SMARCAD1: variants seen among roughly 807,000 people sequenced by gnomAD.
The protein encoded by SMARCAD1 is SWI/SNF-related matrix-associated actin-dependent regulator of chromatin subfamily A containing DEAD/H box 1.
In SMARCAD1, 25 loss-of-function variants were observed where a neutral mutation model predicts 127.1. The ratio of observed to expected loss-of-function variants is 0.20; its 90% CI spans 0.14 to 0.27. SMARCAD1 has a LOEUF of 0.27. Among genes scored for constraint, SMARCAD1 ranks in the 10% least tolerant of loss-of-function variants. The pLI is 1.00. For synonymous variants in SMARCAD1, 400 were observed against 396.9 expected, an observed-to-expected ratio of 1.01 and a Z score of -0.09; for missense variants, 807 against 1,206.0, an observed-to-expected ratio of 0.67 and a Z score of 4.90.
At position 94,252,725 on chromosome 4, in the gene SMARCAD1, A is replaced by C. The variant is rs751874295; in HGVS notation, c.999A>C (p.Ser333=). ...AAACAAAACTAAAACAGAAATTTTCAATGAAAGCACAAAATGGCTTTAACA... is the reference window on the plus strand; with the variant it reads ...AAACAAAACTAAAACAGAAATTTTCCATGAAAGCACAAAATGGCTTTAACA... The part of the protein sequence containing the change: ...ATKTKLKQKF[S]MKAQNGFNKK... The change falls in exon 9 of 24, where the codon TCA becomes TCC. Residue 333 remains serine (S), a synonymous_variant. Transcript: ENST00000354268. 1 of 1,595,906 alleles carries C rather than the reference A, an allele frequency of 6.3e-7. No individual in the cohort carries two copies.
intron 3 of SMARCAD1, among the ~76,000 whole-genome samples, chr4:94,232,809 A>G (rs552681080): frequency 7.0e-6 from 1 of 143,148 alleles, no homozygotes; most frequent in African/African-American, 2.5e-5. Flanking sequence ...ACATGGCAAA[A>G]CCCTGTCTGT....
intron 2 of SMARCAD1, among the ~76,000 whole-genome samples, chr4:94,215,372 G>A (rs1743006596): frequency 6.6e-6 from 1 of 152,126 alleles, no homozygotes; most frequent in East Asian, 1.9e-4. Flanking sequence ...TAGAGTCGCA[G>A]CACTTTGGGA....
At chr4:94,282,083 T>C (rs1451792443) in intron 21 of SMARCAD1, among the ~76,000 whole-genome samples, 7 of 129,000 alleles carry the variant, frequency 5.4e-5, no homozygotes, top group Admixed American at 9.0e-5. Flanking sequence ...CTGAATTACA[T>C]GCAAATACGT....
At position 94,277,133 on chromosome 4, in the gene SMARCAD1, A is replaced by G; in HGVS notation, c.2056A>G (p.Ile686Val). 1.2e-6 allele frequency: 2 copies of G among 1,614,104 alleles called. No homozygotes were observed. The highest frequency in any genetic ancestry group is 1.7e-6 in the Non-Finnish European group (2 of 1,179,968). Residue 686 changes from isoleucine to valine, a missense_variant, in exon 16 of 24, where the codon ATA becomes GTA. Ile to Val is a conservative substitution (Grantham distance 29). Transcript: ENST00000354268. Reference sequence around the variant, plus strand: ...CATGTTTAGTAGTAGCACCAGTGAAATACGAAGAATGTTTTCCTCTAAGAC... The same window carrying G: ...CATGTTTAGTAGTAGCACCAGTGAAGTACGAAGAATGTTTTCCTCTAAGAC... Reference protein sequence around the residue: ...PHMFSSSTSEIRRMFSSKTKS... With the variant: ...PHMFSSSTSEVRRMFSSKTKS...
intron 21 of SMARCAD1, 108 bp from the exon 22 acceptor site, chr4:94,283,013 T>G: frequency 1.1e-6 from 1 of 880,116 alleles, no homozygotes; most frequent in Non-Finnish European, 1.8e-6. Flanking sequence ...TACTAAGAGA[T>G]GTACATACAT....
chr4:94,241,435 A>G (rs1453552929), intron 6 of SMARCAD1, among the ~76,000 whole-genome samples: 1 of 152,158 alleles, frequency 6.6e-6, no homozygotes, highest in Non-Finnish European at 1.5e-5. Context: ...TAAGGACAAC[A>G]GTCAGATTAG....
At chr4:94,264,983 C>A in intron 10 of SMARCAD1, 77 bp downstream of exon 10, 4 of 1,421,598 alleles carry the variant, frequency 2.8e-6, no homozygotes, top group Non-Finnish European at 3.9e-6. Context: ...TGTATCGTGC[C>A]TAGAAAGTGA....
In SMARCAD1 at chr4:94,253,322, A is replaced by C. The variant is rs1431364877; in HGVS notation, c.1281+315A>C. 4.5e-6 allele frequency: 6 copies of C among 1,341,622 alleles called. No individual in the cohort carries two copies. In the East Asian group the frequency reaches 2.7e-4, roughly 61 times the overall value. The allele number at this position is 1,341,622 out of a possible 1,614,324, so 83.1% of individuals were successfully genotyped here. On this transcript the variant is annotated intron_variant, in intron 9 of 23. Coordinates refer to ENST00000354268, the MANE Select transcript of SMARCAD1 (RefSeq NM_020159.5). ...AAATTAGAGCTTACATTTAGGAAGG[A>C]GTTGTTTGCTAGCCTGTTCTGATCT... is the stretch of plus-strand genomic sequence containing the variant.
intron 23 of SMARCAD1, 48 bp downstream of exon 23, chr4:94,285,117 G>C: frequency 8.3e-7 from 1 of 1,206,018 alleles, no homozygotes; most frequent in Non-Finnish European, 1.2e-6. Context: ...ATATGACCAT[G>C]CATCTAATTA....
intron 9 of SMARCAD1, among the ~76,000 whole-genome samples, chr4:94,260,031 T>C (rs928239552): frequency 6.6e-6 from 1 of 152,012 alleles, no homozygotes; most frequent in African/African-American, 2.4e-5. Flanking sequence ...TCCTCATCCC[T>C]CTCTCTCTCC....
At chr4:94,252,004 A>G (rs1358716282) in intron 8 of SMARCAD1, among the ~76,000 whole-genome samples, 4 of 152,098 alleles carry the variant, frequency 2.6e-5, no homozygotes, top group Admixed American at 1.3e-4. Context: ...GGCATGCACC[A>G]CCATGCCTGG....
intron 9 of SMARCAD1, among the ~76,000 whole-genome samples, chr4:94,254,760 A>G (rs1749800150): frequency 6.6e-6 from 1 of 152,164 alleles, no homozygotes; most frequent in Non-Finnish European, 1.5e-5. Flanking sequence ...CAGTGAAGAC[A>G]GCAAAGTAGG....
intron 23 of SMARCAD1, among the ~76,000 whole-genome samples, chr4:94,288,446 A>G (rs1386529130): frequency 2.6e-5 from 4 of 152,088 alleles, no homozygotes; most frequent in Non-Finnish European, 4.4e-5. Flanking sequence ...TGAAGTGTCA[A>G]TTTGGATTTT....
chr4:94,287,923 G>A (rs765420909), intron 23 of SMARCAD1, among the ~76,000 whole-genome samples: 3 of 151,964 alleles, frequency 2.0e-5, no homozygotes, highest in Non-Finnish European at 4.4e-5. Flanking sequence ...GAGACAGGCG[G>A]GAGGATCGTT....
chr4:94,240,310 T>TATGC (rs1404422155), intron 5 of SMARCAD1, among the ~76,000 whole-genome samples: 1 of 152,236 alleles, frequency 6.6e-6, no homozygotes, highest in Non-Finnish European at 1.5e-5. Context: ...GTCACGACAA[T>TATGC]ATGCAGATTT....
chr4:94,274,958 G>A lies in SMARCAD1; in HGVS notation c.1801G>A (p.Val601Met). 2 of 1,597,358 alleles carry A rather than the reference G, an allele frequency of 1.3e-6. No homozygotes were observed. Among genetic ancestry groups the A allele is most frequent in the Non-Finnish European group, 1.7e-6 (2 of 1,166,380 alleles). ...TAGATATGAAGATTACAATGTAATT[G>A]TGACCACGTAAGTATTGAGAAATTT... ...HSRYEDYNVI[V>M]TTYNCAISSS... Residue 601 changes from valine (V) to methionine (M), a missense_variant, in exon 14 of 24, where the codon GTG becomes ATG. Physicochemically the swap from Val to Met is conservative, Grantham distance 21 (BLOSUM62 1). Transcript: ENST00000354268.
At chr4:94,237,436 A>G (rs996036097) in intron 5 of SMARCAD1, among the ~76,000 whole-genome samples, 31 of 152,014 alleles carry the variant, frequency 2.0e-4, no homozygotes, top group African/African-American at 6.7e-4. Flanking sequence ...TGAGCTTGCA[A>G]TATAGAAGCG....
At chr4:94,267,120 C>T (rs534960772) in intron 10 of SMARCAD1, among the ~76,000 whole-genome samples, 1 of 152,104 alleles carries the variant, frequency 6.6e-6, no homozygotes, top group African/African-American at 2.4e-5. Context: ...TATATTTAAT[C>T]AAGTGTGTCT....
chr4:94,223,878 G>C (rs1251212624), intron 2 of SMARCAD1, among the ~76,000 whole-genome samples: 2 of 151,748 alleles, frequency 1.3e-5, no homozygotes, highest in South Asian at 2.1e-4. Flanking sequence ...ACCGCACCTG[G>C]CCTCTCATAG....
Sources: allele counts gnomAD v4.1 joint callset (sites outside exome capture counted in the v4.1 genomes callset), GRCh38; gene constraint gnomAD v4.1.1; transcripts MANE v1.5; gene names NCBI Gene and HGNC (gene_info 2026-07-23, HGNC 2026-07-21).